Variants in AGO3 observed in about 807,000 individuals in gnomAD.
AGO3 encodes the protein protein argonaute-3.
AGO3 carries 16 observed loss-of-function variants against 105.5 expected under a neutral mutation model. The observed-to-expected ratio is 0.15, with a 90% CI of 0.10 to 0.23. AGO3 has a LOEUF of 0.23. Ranked by LOEUF, AGO3 falls within the 10% of genes least tolerant of loss-of-function variation. The pLI is 1.00. For synonymous variants in AGO3, 340 were observed against 367.3 expected, an observed-to-expected ratio of 0.93 and a Z score of 0.85; for missense variants, 534 against 1,088.0, an observed-to-expected ratio of 0.49 and a Z score of 7.16.
chr1:36,042,266 T>C (rs758490880), intron 16 of AGO3, among the ~76,000 whole-genome samples: 1 of 151,954 alleles, frequency 6.6e-6, no homozygotes. Context: ...TGTAGTCTTA[T>C]TAGAGGCAGG....
chr1:35,965,463 C>T (rs1207319633), intron 2 of AGO3, among the ~76,000 whole-genome samples: 1 of 146,546 alleles, frequency 6.8e-6, no homozygotes, highest in African/African-American at 2.5e-5. Context: ...GCACTCCATC[C>T]TGCGTGACAG....
At chr1:36,025,205 A>G (rs1281141387) in intron 11 of AGO3, among the ~76,000 whole-genome samples, 1 of 152,212 alleles carries the variant, frequency 6.6e-6, no homozygotes, top group East Asian at 1.9e-4. Flanking sequence ...TGGCAAGAAG[A>G]AATTAGAATA....
At chr1:35,945,530 AT>A (rs1451229391) in intron 1 of AGO3, among the ~76,000 whole-genome samples, 161 bp from the exon 2 acceptor site, 2 of 152,218 alleles carry the variant, frequency 1.3e-5, no homozygotes, top group Admixed American at 1.3e-4. Context: ...AAGAGAGGAA[AT>A]CTGGGGTGAC....
chr1:36,015,667 A>G (rs574401270), intron 11 of AGO3, among the ~76,000 whole-genome samples: 1 of 152,348 alleles, frequency 6.6e-6, no homozygotes, highest in African/African-American at 2.4e-5. Context: ...GGAATGGCCA[A>G]CAAATGCATA....
chr1:36,003,542 A>C (rs931203447), intron 5 of AGO3, among the ~76,000 whole-genome samples: 2 of 151,522 alleles, frequency 1.3e-5, no homozygotes, highest in African/African-American at 2.4e-5. Context: ...TAGAAGTGCT[A>C]TATTGGTCGG....
chr1:35,934,284 CT>C (rs921810179), intron 1 of AGO3, among the ~76,000 whole-genome samples: 14 of 152,170 alleles, frequency 9.2e-5, no homozygotes, highest in African/African-American at 3.4e-4. Flanking sequence ...AGGAACTACA[CT>C]TTATAATGGA....
chr1:36,043,871 A>AAG (rs779089418), intron 17 of AGO3, among the ~76,000 whole-genome samples: 2 of 152,052 alleles, frequency 1.3e-5, no homozygotes, highest in Non-Finnish European at 2.9e-5. Flanking sequence ...TTAAAAAAAA[A>AAG]AGAGAGAGAG....
At chr1:36,040,250 A>C in intron 15 of AGO3, 57 bp from the exon 16 acceptor site, 1 of 1,540,832 alleles carries the variant, frequency 6.5e-7, no homozygotes, top group Non-Finnish European at 8.9e-7. Context: ...TCCTACTTTG[A>C]AGTATATAAA....
At chr1:36,025,589 T>A (rs934494244) in intron 11 of AGO3, among the ~76,000 whole-genome samples, 10 of 152,180 alleles carry the variant, frequency 6.6e-5, no homozygotes, top group Admixed American at 2.0e-4. Context: ...CGATAAGGAA[T>A]AGGAGAAACT....
intron 3 of AGO3, among the ~76,000 whole-genome samples, chr1:35,969,350 T>A (rs971611852): frequency 2.0e-5 from 3 of 152,298 alleles, no homozygotes; most frequent in African/African-American, 7.2e-5. Context: ...CAGAAGTTTT[T>A]AATTTTGAAA....
In AGO3 at chr1:36,064,007, A is replaced by G. The variant is rs1328963695; in HGVS notation, c.*8262A>G. 2.6e-5 allele frequency: 4 copies of G among 152,256 alleles called. No homozygotes were observed. The highest frequency in any genetic ancestry group is 4.8e-5 in the African/African-American group (2 of 41,442). The allele number at this position is 152,256 out of a possible 1,614,324, so 9.4% of individuals were successfully genotyped here. A position where few individuals can be genotyped will look rare whatever the true frequency, so the allele number is the denominator to read the frequency against. ...GTGCTTCTCCCACATCAGCCTCCCA[A>G]AGTGCTGGGATTACAGCCATGAGCC... On this transcript the variant is annotated 3_prime_UTR_variant, in exon 19 of 19. Coordinates refer to ENST00000373191, the MANE Select transcript of AGO3 (RefSeq NM_024852.4).
At chr1:36,007,913 G>C (rs546811082) in intron 6 of AGO3, among the ~76,000 whole-genome samples, 1 of 152,078 alleles carries the variant, frequency 6.6e-6, no homozygotes, top group African/African-American at 2.4e-5. Context: ...TCTAGAGCAG[G>C]CCTGGGATCC....
intron 3 of AGO3, among the ~76,000 whole-genome samples, chr1:35,970,937 G>A (rs367916110): frequency 7.3e-5 from 11 of 150,652 alleles, no homozygotes; most frequent in African/African-American, 2.7e-4. Flanking sequence ...CTGTTGCCTG[G>A]GTTGGTTTAA....
chr1:36,048,149 G>C (rs1382781351), intron 17 of AGO3, among the ~76,000 whole-genome samples: 1 of 151,716 alleles, frequency 6.6e-6, no homozygotes, highest in South Asian at 2.1e-4. Flanking sequence ...ATATTCAAAG[G>C]GCTGAAAAAA....
At chr1:36,040,131 C>T in intron 15 of AGO3, 147 bp downstream of exon 15, 3 of 1,178,818 alleles carry the variant, frequency 2.5e-6, no homozygotes, top group Non-Finnish European at 3.5e-6. Flanking sequence ...AAAATGTTCA[C>T]TACGAATGTG....
At chr1:36,009,105 T>C in intron 8 of AGO3, 61 bp downstream of exon 8, 1 of 1,464,718 alleles carries the variant, frequency 6.8e-7, no homozygotes, top group Middle Eastern at 1.8e-4. Context: ...GGGTCTTTTA[T>C]GGCCGATAAC....
At chr1:36,003,086 G>T (rs1212523613) in intron 5 of AGO3, among the ~76,000 whole-genome samples, 1 of 151,042 alleles carries the variant, frequency 6.6e-6, no homozygotes, top group Non-Finnish European at 1.5e-5. Flanking sequence ...TAAATAAATA[G>T]ATAAATAGAT....
chr1:36,032,599 G>T (rs762624865), intron 12 of AGO3, among the ~76,000 whole-genome samples: 5 of 152,128 alleles, frequency 3.3e-5, no homozygotes, highest in Non-Finnish European at 5.9e-5. Flanking sequence ...GCCTAAGCTG[G>T]TCTCTAACTC....
chr1:36,002,928 G>C (rs180988349), intron 5 of AGO3, among the ~76,000 whole-genome samples: 1 of 152,030 alleles, frequency 6.6e-6, no homozygotes, highest in African/African-American at 2.4e-5. Context: ...AAAATTAGCC[G>C]GGTGTGGTGG....
Sources: allele counts gnomAD v4.1 joint callset (sites outside exome capture counted in the v4.1 genomes callset), GRCh38; gene constraint gnomAD v4.1.1; transcripts MANE v1.5; gene names NCBI Gene and HGNC (gene_info 2026-07-23, HGNC 2026-07-21).